The following GALNTL6 variants were observed in gnomAD, a reference collection of about 807,000 sequenced individuals.
GALNTL6 encodes the protein polypeptide N-acetylgalactosaminyltransferase like 6, also known as polypeptide N-acetylgalactosaminyltransferase-like 6.
GALNTL6 carries 46 observed loss-of-function variants against 73.7 expected under a neutral mutation model. That is an observed-to-expected ratio of 0.62 (90% CI 0.49 to 0.80). The LOEUF (loss-of-function observed/expected upper bound fraction) is 0.80. GALNTL6 is among the 30% of genes least tolerant of loss of function. The pLI, the probability that GALNTL6 is intolerant of heterozygous loss-of-function variation, is 0.00. For missense variants in GALNTL6, 604 were observed against 755.0 expected, an observed-to-expected ratio of 0.80 and a Z score of 2.34; for synonymous variants, 259 against 263.7, an observed-to-expected ratio of 0.98 and a Z score of 0.17.
rs117561777 is a variant in GALNTL6 at position 171,934,857 on chromosome 4, T to C, written c.138+120139T>C. ...TTAACCAATTTCTCTTTAAATCTGC[T>C]TGGTGGAAACTGTGAAAAACTGGGA... On this transcript the variant is annotated intron_variant, in intron 2 of 12. Coordinates refer to ENST00000506823, the MANE Select transcript of GALNTL6 (RefSeq NM_001034845.3). 3.5e-4 allele frequency among the ~76,000 whole-genome samples: 54 copies of C among 152,338 alleles called. No individual in the cohort carries two copies. The East Asian group carries it at 9.9e-3, about 28-fold the overall frequency.
At chr4:172,785,566 G>T (rs972819066) in intron 5 of GALNTL6, among the ~76,000 whole-genome samples, 7 of 152,116 alleles carry the variant, frequency 4.6e-5, no homozygotes, top group African/African-American at 1.7e-4. Flanking sequence ...CTGCTCTCAT[G>T]AAGCCTAGAC....
chr4:172,021,117 T>C (rs977097794), intron 2 of GALNTL6, among the ~76,000 whole-genome samples: 1 of 151,978 alleles, frequency 6.6e-6, no homozygotes, highest in Admixed American at 6.6e-5. Flanking sequence ...ATAAAAACTC[T>C]CAAACAGCTG....
chr4:172,315,812 C>T (rs1740525000), intron 4 of GALNTL6, among the ~76,000 whole-genome samples: 1 of 151,866 alleles, frequency 6.6e-6, no homozygotes, highest in South Asian at 2.1e-4. Flanking sequence ...AGGTTTTCTC[C>T]ACTTGTGTAT....
chr4:172,002,492 C>G (rs1186112936), intron 2 of GALNTL6, among the ~76,000 whole-genome samples: 2 of 152,126 alleles, frequency 1.3e-5, no homozygotes, highest in East Asian at 3.9e-4. Context: ...GTTTATAAGC[C>G]ACAAAGTCTA....
At chr4:172,569,254 G>A (rs1265351428) in intron 5 of GALNTL6, among the ~76,000 whole-genome samples, 1 of 152,166 alleles carries the variant, frequency 6.6e-6, no homozygotes, top group African/African-American at 2.4e-5. Context: ...TTCATAGACA[G>A]CTGTCTTCTT....
At chr4:172,954,299 C>T (rs1275987147) in intron 10 of GALNTL6, among the ~76,000 whole-genome samples, 3 of 152,192 alleles carry the variant, frequency 2.0e-5, no homozygotes, top group Non-Finnish European at 4.4e-5. Context: ...AAAGGTACAA[C>T]CTTCCAGGAA....
At chr4:172,634,545 A>C (rs1023906005) in intron 5 of GALNTL6, among the ~76,000 whole-genome samples, 2 of 152,148 alleles carry the variant, frequency 1.3e-5, no homozygotes, top group African/African-American at 4.8e-5. Context: ...CCCTATAGGC[A>C]CTTCAACTTT....
rs956953727 is a variant in GALNTL6 at position 171,865,345 on chromosome 4, A to G, written c.138+50627A>G. ...AGATAGGGTGAGATGAGAAAGCAAC[A>G]CAGAAAAACAGTAATGGTATGTGAG... On this transcript the variant is annotated intron_variant, in intron 2 of 12. Transcript: ENST00000506823. Among the ~76,000 whole-genome samples the G allele has an allele frequency of 6.6e-5, 10 of 152,236 alleles. No individual in the cohort carries two copies. In the East Asian group the frequency reaches 1.7e-3, roughly 26 times the overall value.
rs140069104 is a variant in GALNTL6, at chr4:172,311,930, A to C, written c.386+178A>C. On this transcript the variant is annotated intron_variant, in intron 4 of 12. Transcript: ENST00000506823. Reference sequence around the variant, plus strand: ...CTTGACCTAAATTGGAGTAACCATTAAAATTTTAAAACAATACTGAATTTC... The same window carrying C: ...CTTGACCTAAATTGGAGTAACCATTCAAATTTTAAAACAATACTGAATTTC... Among the ~76,000 whole-genome samples the C allele has an allele frequency of 3.8e-3, 578 of 152,318 alleles. 6 individuals are homozygous for C. The highest frequency in any genetic ancestry group is 0.016 in the South Asian group (79 of 4,826).
intron 5 of GALNTL6, among the ~76,000 whole-genome samples, chr4:172,682,347 G>A (rs1288626578): frequency 6.6e-6 from 1 of 152,012 alleles, no homozygotes; most frequent in Non-Finnish European, 1.5e-5. Context: ...TTTTTAATGT[G>A]GCAAATCCTT....
chr4:172,536,799 G>A (rs189743010), intron 5 of GALNTL6, among the ~76,000 whole-genome samples: 58 of 152,258 alleles, frequency 3.8e-4, no homozygotes, highest in Admixed American at 6.5e-4. Context: ...CTATTTTCTG[G>A]GGAGAAATTC....
chr4:173,025,020 G>C (rs1421849925), intron 12 of GALNTL6, among the ~76,000 whole-genome samples: 1 of 152,224 alleles, frequency 6.6e-6, no homozygotes, highest in African/African-American at 2.4e-5. Flanking sequence ...ATCTTGGAGA[G>C]AGAAGGTGGC....
At chr4:171,974,431 C>T (rs1739658835) in intron 2 of GALNTL6, among the ~76,000 whole-genome samples, 1 of 152,122 alleles carries the variant, frequency 6.6e-6, no homozygotes, top group Non-Finnish European at 1.5e-5. Flanking sequence ...TACCATATTA[C>T]CACAACTGGT....
chr4:172,902,687 CT>C (rs1185793557), intron 8 of GALNTL6, among the ~76,000 whole-genome samples: 1 of 152,206 alleles, frequency 6.6e-6, no homozygotes, highest in African/African-American at 2.4e-5. Context: ...CAAAACCATT[CT>C]AATGAATTAT....
Position 172,277,040 on chromosome 4 carries a change from G to C in GALNTL6, c.248-34574G>C, listed in dbSNP as rs557445871. Among the ~76,000 whole-genome samples the C allele has an allele frequency of 9.6e-4, 146 of 151,810 alleles. 6 individuals are homozygous for C. The South Asian group carries it at 0.03, about 31-fold the overall frequency. On this transcript the variant is annotated intron_variant, in intron 3 of 12. Transcript: ENST00000506823. ...CATACTTGGATTTTTTCTTTCTTCT[G>C]TTCACTCTGAATCTCTGTTTTTGAC... is the stretch of plus-strand genomic sequence containing the variant.
chr4:172,842,589 T>C (rs1743270982), intron 7 of GALNTL6, among the ~76,000 whole-genome samples: 1 of 152,108 alleles, frequency 6.6e-6, no homozygotes, highest in African/African-American at 2.4e-5. Flanking sequence ...AATATGATGT[T>C]ATATCTGTGC....
At chr4:172,672,681 A>G (rs1465050462) in intron 5 of GALNTL6, among the ~76,000 whole-genome samples, 1 of 151,868 alleles carries the variant, frequency 6.6e-6, no homozygotes, top group Non-Finnish European at 1.5e-5. Flanking sequence ...TAGGTTGTTT[A>G]TTACTGACTC....
At chr4:172,457,887 C>T (rs1234652960) in intron 5 of GALNTL6, among the ~76,000 whole-genome samples, 3 of 152,162 alleles carry the variant, frequency 2.0e-5, no homozygotes, top group African/African-American at 7.2e-5. Context: ...GAACTCTCCA[C>T]CCCAAATCAA....
intron 2 of GALNTL6, among the ~76,000 whole-genome samples, chr4:172,084,308 G>T (rs1260665524): frequency 6.6e-6 from 1 of 152,158 alleles, no homozygotes; most frequent in East Asian, 1.9e-4. Context: ...AAAACACCAA[G>T]AATGCTGGTA....
Sources: gnomAD v4.1 joint callset for allele counts (sites outside exome capture counted in the v4.1 genomes callset) on GRCh38, gnomAD v4.1.1 for gene constraint, MANE v1.5 for transcripts, NCBI Gene and HGNC (gene_info 2026-07-23, HGNC 2026-07-21) for gene names.